The following ERICH6 variants were observed in gnomAD, a reference collection of about 807,000 sequenced individuals.
ERICH6 encodes glutamate-rich protein 6.
A neutral mutation model predicts 71.0 loss-of-function variants in ERICH6; 71 were observed. That is an observed-to-expected ratio of 1.00 (90% CI 0.83 to 1.22). The LOEUF (loss-of-function observed/expected upper bound fraction) is 1.22, where lower values mean the gene tolerates loss of function less well. Among genes scored for constraint, ERICH6 ranks in the 50% most tolerant of loss-of-function variants. ERICH6 has a pLI of 0.00. For synonymous variants in ERICH6, 262 were observed against 278.4 expected (o/e 0.94, Z 0.59); for missense variants, 808 against 797.2 (o/e 1.01, Z -0.16).
At chr3:150,678,672 A>G (rs1358725055) in intron 9 of ERICH6, 118 bp from the exon 10 acceptor site, 2 of 790,316 alleles carry the variant, frequency 2.5e-6, no homozygotes, top group African/African-American at 3.7e-5. Context: ...ACATTTTTAT[A>G]TTCAAATTTT....
At chr3:150,700,912 T>C (rs1030605708) in intron 2 of ERICH6, among the ~76,000 whole-genome samples, 2 of 152,248 alleles carry the variant, frequency 1.3e-5, no homozygotes. Context: ...ACAAGTTTTA[T>C]AGACATAGGA....
At chr3:150,675,495 T>C (rs1292386748) in intron 10 of ERICH6, among the ~76,000 whole-genome samples, 3 of 152,030 alleles carry the variant, frequency 2.0e-5, no homozygotes, top group Admixed American at 1.3e-4. Context: ...ATTACAGGCA[T>C]GTGCCACCAC....
At chr3:150,673,870 T>G (rs1711554581) in intron 11 of ERICH6, 86 bp downstream of exon 11, 2 of 1,320,228 alleles carry the variant, frequency 1.5e-6, no homozygotes, top group African/African-American at 2.9e-5. Flanking sequence ...TGTGAGCCAC[T>G]GCACCCAACC....
Position 150,679,549 on chromosome 3 carries a change from G to A in ERICH6, c.1111+919C>T, listed in dbSNP as rs112879511. ...AGACAGCCTGTAAGGAGAAAAGCAA[G>A]GATATAAATCCAGGACTTCTGATTC... is the stretch of plus-strand genomic sequence containing the variant. On this transcript the variant is annotated intron_variant, in intron 9 of 13. Coordinates refer to ENST00000295910, the MANE Select transcript of ERICH6 (RefSeq NM_152394.5). Among the ~76,000 whole-genome samples the A allele has an allele frequency of 4.8e-3, 732 of 152,250 alleles. 2 individuals are homozygous for A. Among genetic ancestry groups the A allele is most frequent in the African/African-American group, 0.017 (689 of 41,522 alleles).
At chr3:150,703,021 C>T (rs979266655) in intron 1 of ERICH6, among the ~76,000 whole-genome samples, 1 of 143,750 alleles carries the variant, frequency 7.0e-6, no homozygotes, top group African/African-American at 2.5e-5. Flanking sequence ...AGAGATGTCA[C>T]GGTGTGAATG....
intron 3 of ERICH6, among the ~76,000 whole-genome samples, chr3:150,687,972 A>G (rs966140273): frequency 1.3e-5 from 2 of 152,054 alleles, no homozygotes; most frequent in African/African-American, 4.8e-5. Flanking sequence ...TTTAAAAAAA[A>G]TTAGCTGGTT....
chr3:150,660,035 GA>G lies in ERICH6; in HGVS notation c.1848del (p.Ser618GlnfsTer8), dbSNP rs1349298978. 1 of 1,613,980 alleles carries G rather than the reference GA, an allele frequency of 6.2e-7. No individual in the cohort carries two copies. Among genetic ancestry groups the G allele is most frequent in the Non-Finnish European group, 8.5e-7 (1 of 1,180,020 alleles). On this transcript the variant is annotated frameshift_variant, in exon 14 of 14. Coordinates refer to ENST00000295910, the MANE Select transcript of ERICH6 (RefSeq NM_152394.5). LOFTEE classifies it low-confidence loss of function (END_TRUNC). ...LFHKLEGCVN[F>X]PSSQVWEKLK... is the part of the protein sequence containing the mutation. ...AATTTTTCCCAAACCTGGCTTGAGG[GA>G]AAATTCACACATCCTTCAAGTTTAT...
intron 8 of ERICH6, 81 bp downstream of exon 8, chr3:150,680,692 T>G (rs1245623229): frequency 3.2e-6 from 5 of 1,554,018 alleles, no homozygotes; most frequent in East Asian, 2.2e-5. Context: ...TTATATATCT[T>G]GAAAAAATGA....
intron 3 of ERICH6, among the ~76,000 whole-genome samples, chr3:150,695,151 A>T (rs1434609459): frequency 1.3e-5 from 2 of 152,238 alleles, no homozygotes; most frequent in Non-Finnish European, 2.9e-5. Context: ...ACAAATATTT[A>T]GACCATAACA....
At position 150,660,052 on chromosome 3, in the gene ERICH6, T is replaced by A. The variant is rs1355923398; in HGVS notation, c.1832A>T (p.Glu611Val). 1 of 1,614,118 alleles carries A rather than the reference T, an allele frequency of 6.2e-7. No individual in the cohort carries two copies. The highest frequency in any genetic ancestry group is 8.5e-7 in the Non-Finnish European group (1 of 1,180,020). Residue 611 changes from glutamate to valine, a missense_variant, in exon 14 of 14, where the codon GAA becomes GTA. Physicochemically the swap from Glu to Val is moderately radical, Grantham distance 121. Around this residue, in one of 3 missense-constraint regions of ERICH6, gnomAD observed 736 missense variants for 712.2 expected, o/e 1.03. Transcript: ENST00000295910. ...GCTTGAGGGAAAATTCACACATCCT[T>A]CAAGTTTATGAAACAGGCGACGGAT... ...IKIRRLFHKL[E>V]GCVNFPSSQV...
chr3:150,684,320 A>G (rs1412453589), intron 6 of ERICH6, among the ~76,000 whole-genome samples: 4 of 152,218 alleles, frequency 2.6e-5, no homozygotes, highest in Admixed American at 1.3e-4. Context: ...GTAAATGTTT[A>G]TAGATATTAT....
At position 150,703,578 on chromosome 3, in the gene ERICH6, G is replaced by T; in HGVS notation, c.321C>A (p.Thr107=). 1 of 1,613,868 alleles carries T rather than the reference G, an allele frequency of 6.2e-7. No homozygotes were observed. ...RLASIVSPSL[T]STFVPSQSAT... ...CGCTCTGGCTGGGCACGAACGTAGA[G>T]GTCAGGCTAGGGCTGACGATGCTGG... Residue 107 remains threonine, a synonymous_variant, in exon 1 of 14, where the codon ACC becomes ACA. Transcript: ENST00000295910.
At chr3:150,702,379 C>A (rs1712920100) in intron 1 of ERICH6, among the ~76,000 whole-genome samples, 1 of 151,340 alleles carries the variant, frequency 6.6e-6, no homozygotes, top group African/African-American at 2.4e-5. Context: ...CGGGTTCACG[C>A]TATTCTCCTG....
intron 1 of ERICH6, 92 bp from the exon 2 acceptor site, chr3:150,702,270 CTT>C (rs63679260): frequency 0.031 from 4,976 of 161,876 alleles, no homozygotes; most frequent in South Asian, 0.06. Flanking sequence ...TGTCTGGAGA[CTT>C]TTTTTTTTTT....
chr3:150,679,374 C>A (rs907592985), intron 9 of ERICH6, among the ~76,000 whole-genome samples: 1 of 152,094 alleles, frequency 6.6e-6, no homozygotes, highest in Non-Finnish European at 1.5e-5. Context: ...ACCCTCCCAC[C>A]CTTTCCCCCT....
At position 150,698,964 on chromosome 3, in the gene ERICH6, T is replaced by A; in HGVS notation, c.462-82A>T. 3.7e-5 allele frequency: 29 copies of A among 782,416 alleles called. 1 individual carries two copies. In the South Asian group the frequency reaches 4.9e-4, roughly 13 times the overall value. 48.5% of individuals were successfully genotyped at this position (782,416 alleles called of 1,614,324 possible). A position where few individuals can be genotyped will look rare whatever the true frequency, so the allele number is the denominator to read the frequency against. ...TAAACATCGAACATTTAATAATCAA[T>A]TAATTAATGCACGTAGAAAATATTT... On this transcript the variant is annotated intron_variant, in intron 2 of 13. Coordinates refer to ENST00000295910, the MANE Select transcript of ERICH6 (RefSeq NM_152394.5).
Position 150,701,384 on chromosome 3 carries a change from G to A in ERICH6, c.461+737C>T, listed in dbSNP as rs79303902. ...AAATGAAAATGTCATTTTAAATAAT[G>A]GAAACAAAACTGAAGGTGAGTGGGA... is the stretch of plus-strand genomic sequence containing the variant. On this transcript the variant is annotated intron_variant, in intron 2 of 13. Transcript: ENST00000295910. Among the ~76,000 whole-genome samples, 22 of 141,540 alleles carry A rather than the reference G, an allele frequency of 1.6e-4. No homozygotes were observed. In the Admixed American group the frequency reaches 1.6e-3, roughly 10 times the overall value. The allele number at this position is 141,540 out of a possible 152,430, so 92.9% of individuals were successfully genotyped here.
chr3:150,669,476 AT>A, intron 11 of ERICH6, 25 bp from the exon 12 acceptor site: 5 of 1,608,724 alleles, frequency 3.1e-6, no homozygotes, highest in Non-Finnish European at 4.2e-6. Context: ...GGTCATATAA[AT>A]TGTTCTAATG....
intron 10 of ERICH6, 32 bp from the exon 11 acceptor site, chr3:150,674,073 T>G: frequency 6.3e-7 from 1 of 1,586,120 alleles, no homozygotes; most frequent in Non-Finnish European, 8.6e-7. Flanking sequence ...AGACACTTAA[T>G]TGTTTCGGAC....
Sources: allele counts gnomAD v4.1 joint callset (sites outside exome capture counted in the v4.1 genomes callset), GRCh38; gene constraint gnomAD v4.1.1; regional missense constraint gnomAD v4.1.1; transcripts MANE v1.5; gene names NCBI Gene and HGNC (gene_info 2026-07-23, HGNC 2026-07-21).